Variants in KPNA1 observed in about 807,000 individuals in gnomAD.
KPNA1 encodes importin subunit alpha-5.
A neutral mutation model predicts 70.5 loss-of-function variants in KPNA1; 10 were observed. The ratio of observed to expected loss-of-function variants is 0.14; its 90% CI spans 0.09 to 0.24. The LOEUF (loss-of-function observed/expected upper bound fraction) is 0.24. Ranked by LOEUF, KPNA1 falls within the 10% of genes least tolerant of loss-of-function variation. The pLI, the probability that KPNA1 is intolerant of heterozygous loss-of-function variation, is 1.00. For synonymous variants in KPNA1, 192 were observed against 221.9 expected (o/e 0.87, Z 1.20); for missense variants, 397 against 637.9 (o/e 0.62, Z 4.07).
intron 10 of KPNA1, among the ~76,000 whole-genome samples, chr3:122,440,636 C>T (rs1010383214): frequency 1.3e-5 from 2 of 152,236 alleles, no homozygotes; most frequent in African/African-American, 4.8e-5. Flanking sequence ...ATTTTCAGTT[C>T]CCTGTATATC....
At chr3:122,450,944 T>TGAGG (rs1343443678) in intron 8 of KPNA1, among the ~76,000 whole-genome samples, 1 of 152,140 alleles carries the variant, frequency 6.6e-6, no homozygotes, top group East Asian at 1.9e-4. Context: ...AGCTAAGCTA[T>TGAGG]GAGGACGCAA....
intron 9 of KPNA1, chr3:122,442,934 C>G (rs901830913): frequency 6.6e-6 from 1 of 152,356 alleles, no homozygotes; most frequent in Non-Finnish European, 1.5e-5. Flanking sequence ...GTACCTGATT[C>G]ATCTCACTGG....
At chr3:122,460,736 T>C (rs929973661) in intron 5 of KPNA1, 5 of 913,446 alleles carry the variant, frequency 5.5e-6, no homozygotes, top group Non-Finnish European at 5.2e-6. Context: ...AAAGCCTAAA[T>C]TGACACAGCA....
intron 4 of KPNA1, among the ~76,000 whole-genome samples, 194 bp from the exon 5 acceptor site, chr3:122,461,512 C>G (rs2076323792): frequency 6.6e-6 from 1 of 152,012 alleles, no homozygotes; most frequent in African/African-American, 2.4e-5. Flanking sequence ...ACAATGAAGA[C>G]AAGTCTCAAT....
At chr3:122,501,956 G>A (rs553135591) in intron 1 of KPNA1, among the ~76,000 whole-genome samples, 3 of 152,246 alleles carry the variant, frequency 2.0e-5, no homozygotes, top group African/African-American at 4.8e-5. Context: ...AAGTTTACTG[G>A]GTAGTGGGTC....
chr3:122,510,111 A>G (rs1346258975), intron 1 of KPNA1, among the ~76,000 whole-genome samples: 1 of 152,220 alleles, frequency 6.6e-6, no homozygotes, highest in East Asian at 1.9e-4. Context: ...TCAGAATTTT[A>G]TACCCAGACA....
intron 1 of KPNA1, among the ~76,000 whole-genome samples, chr3:122,499,418 G>T (rs1326061428): frequency 2.6e-5 from 4 of 151,618 alleles, no homozygotes; most frequent in Non-Finnish European, 5.9e-5. Flanking sequence ...TGCTTTTTCT[G>T]TGTCTATTGA....
intron 7 of KPNA1, 147 bp downstream of exon 7, chr3:122,451,829 G>GAAATGATCT: frequency 1.5e-6 from 1 of 681,178 alleles, no homozygotes; most frequent in Non-Finnish European, 2.5e-6. Flanking sequence ...GGTGCTTGAG[G>GAAATGATCT]AAATGATCTA....
In KPNA1 at chr3:122,507,364, C is replaced by A. The variant is rs369611196; in HGVS notation, c.-6+7393G>T. On this transcript the variant is annotated intron_variant, in intron 1 of 13. Coordinates refer to ENST00000344337, the MANE Select transcript of KPNA1 (RefSeq NM_002264.4). ...GTTGAGGCAGGAGAATCACTTGAAC[C>A]CAGATGGCAGAGGTTGCAGTGAGCT... is the stretch of plus-strand genomic sequence containing the variant. Among the ~76,000 whole-genome samples the A allele has an allele frequency of 1.4e-4, 21 of 150,556 alleles. No individual in the cohort carries two copies. The East Asian group carries it at 2.9e-3, about 21-fold the overall frequency.
intron 10 of KPNA1, among the ~76,000 whole-genome samples, chr3:122,441,129 T>G (rs986293011): frequency 3.3e-5 from 5 of 152,144 alleles, no homozygotes; most frequent in African/African-American, 1.2e-4. Context: ...GCAGAAGGAT[T>G]GCCCCGTGGA....
At chr3:122,454,097 G>T in intron 5 of KPNA1, 96 bp from the exon 6 acceptor site, 1 of 834,154 alleles carries the variant, frequency 1.2e-6, no homozygotes, top group South Asian at 2.1e-5. Flanking sequence ...AAAAGATTCT[G>T]AGATCATTAT....
intron 10 of KPNA1, among the ~76,000 whole-genome samples, chr3:122,438,792 C>G (rs1035396859): frequency 2.6e-5 from 4 of 151,994 alleles, no homozygotes; most frequent in African/African-American, 9.7e-5. Context: ...AATCATAAAG[C>G]AGAATATTAG....
rs554901298 is a variant in KPNA1, at chr3:122,470,274, A to G, written c.130-2845T>C. On this transcript the variant is annotated intron_variant, in intron 2 of 13. Transcript: ENST00000344337. ...ACACCTGTACTCCCAGCCCTTTGGG[A>G]GGAGGCGGCGGGTGGATCATGAGGT... Among the ~76,000 whole-genome samples, 268 of 152,194 alleles carry G rather than the reference A, an allele frequency of 1.8e-3. 2 individuals are homozygous for G. Among genetic ancestry groups the G allele is most frequent in the African/African-American group, 6.3e-3 (262 of 41,522 alleles).
At chr3:122,513,845 G>A (rs1309136407) in intron 1 of KPNA1, among the ~76,000 whole-genome samples, 1 of 152,208 alleles carries the variant, frequency 6.6e-6, no homozygotes, top group Non-Finnish European at 1.5e-5. Flanking sequence ...CAAGAGGACA[G>A]TTTGAGCTCA....
intron 2 of KPNA1, among the ~76,000 whole-genome samples, chr3:122,476,189 G>C (rs2076495878): frequency 6.6e-6 from 1 of 152,096 alleles, no homozygotes; most frequent in Non-Finnish European, 1.5e-5. Flanking sequence ...CACAATAGGG[G>C]AAGAACAGTC....
rs2075944352 is a variant in KPNA1, at chr3:122,433,642, C to T, written c.1250+19G>A. On this transcript the variant is annotated intron_variant, in intron 12 of 13. Coordinates refer to ENST00000344337, the MANE Select transcript of KPNA1 (RefSeq NM_002264.4). The stretch of plus-strand genomic sequence containing the variant: ...TAATTTTTCTTTAACTTACAATATG[C>T]TGCCTGATTGGTACTTACTTGATCT... 1.3e-6 allele frequency: 2 copies of T among 1,571,960 alleles called. No individual in the cohort carries two copies. The highest frequency in any genetic ancestry group is 2.0e-5 in the Admixed American group (1 of 49,748).
At chr3:122,488,380 G>T (rs1037553608) in intron 2 of KPNA1, among the ~76,000 whole-genome samples, 2 of 151,952 alleles carry the variant, frequency 1.3e-5, no homozygotes, top group Non-Finnish European at 2.9e-5. Context: ...TAATCAGCCA[G>T]ATGTAGTGGT....
chr3:122,432,001 A>G (rs2075916900), intron 12 of KPNA1, among the ~76,000 whole-genome samples: 1 of 151,818 alleles, frequency 6.6e-6, no homozygotes, highest in Admixed American at 6.6e-5. Context: ...ACGGGGTTTC[A>G]CCCTGTTGGC....
chr3:122,443,399 A>C (rs1298404181), intron 9 of KPNA1, among the ~76,000 whole-genome samples: 2 of 152,252 alleles, frequency 1.3e-5, no homozygotes, highest in Non-Finnish European at 2.9e-5. Context: ...AAAAGGCAGC[A>C]GACAACTTCT....
Sources: allele counts gnomAD v4.1 joint callset (sites outside exome capture counted in the v4.1 genomes callset), GRCh38; gene constraint gnomAD v4.1.1; transcripts MANE v1.5; gene names NCBI Gene and HGNC (gene_info 2026-07-23, HGNC 2026-07-21).